Variants in ZFP2 observed in about 807,000 individuals in gnomAD.
ZFP2 encodes the protein zinc finger protein ZFP2.
ZFP2 carries 33 observed loss-of-function variants against 36.1 expected under a neutral mutation model. The observed-to-expected ratio is 0.92, with a 90% CI of 0.69 to 1.22. The LOEUF is 1.22. Ranked by LOEUF, ZFP2 falls within the 50% of genes most tolerant of loss-of-function variation. ZFP2 has a pLI of 0.00. For synonymous variants in ZFP2, 170 were observed against 178.0 expected (o/e 0.96, Z 0.36); for missense variants, 522 against 551.4 (o/e 0.95, Z 0.53).
chr5:178,905,710 A>G (rs1758152574), intron 1 of ZFP2, among the ~76,000 whole-genome samples: 1 of 152,142 alleles, frequency 6.6e-6, no homozygotes, highest in Admixed American at 6.6e-5. Context: ...ATTGATGACA[A>G]ATGTATATTA....
At chr5:178,931,118 A>T in intron 4 of ZFP2, 119 bp from the exon 5 acceptor site, 1 of 1,160,728 alleles carries the variant, frequency 8.6e-7, no homozygotes, top group Non-Finnish European at 1.1e-6. Flanking sequence ...AAAGCTCTCA[A>T]ATGTGCTCAG....
At chr5:178,920,572 G>A (rs1403501085) in intron 4 of ZFP2, among the ~76,000 whole-genome samples, 1 of 152,142 alleles carries the variant, frequency 6.6e-6, no homozygotes, top group Non-Finnish European at 1.5e-5. Flanking sequence ...GGGAGGTAGA[G>A]GTTGCAGTGA....
chr5:178,920,125 C>T (rs539441485), intron 4 of ZFP2, among the ~76,000 whole-genome samples: 1 of 152,164 alleles, frequency 6.6e-6, no homozygotes. Context: ...TCTGGGACTC[C>T]AGTGAGACAT....
intron 4 of ZFP2, 81 bp from the exon 5 acceptor site, chr5:178,931,156 A>C: frequency 7.3e-7 from 1 of 1,379,076 alleles, no homozygotes; most frequent in Non-Finnish European, 9.4e-7. Context: ...AGCTAGTTTA[A>C]TTCTCTCATT....
At chr5:178,901,365 C>G (rs1033433814) in intron 1 of ZFP2, among the ~76,000 whole-genome samples, 2 of 152,142 alleles carry the variant, frequency 1.3e-5, no homozygotes, top group African/African-American at 4.8e-5. Context: ...TTGAGTGGCT[C>G]GAAACAATAG....
chr5:178,930,908 C>T (rs950940615), intron 4 of ZFP2, among the ~76,000 whole-genome samples: 7 of 152,134 alleles, frequency 4.6e-5, no homozygotes, highest in Non-Finnish European at 1.0e-4. Flanking sequence ...CATGTGTTTC[C>T]TTAGTTCCAT....
chr5:178,921,311 CT>C (rs754780057), intron 4 of ZFP2, among the ~76,000 whole-genome samples: 1 of 152,160 alleles, frequency 6.6e-6, no homozygotes, highest in Non-Finnish European at 1.5e-5. Flanking sequence ...ACTCTTCTGG[CT>C]ACAAGGCAGG....
At chr5:178,910,139 T>A in intron 1 of ZFP2, 1 of 1,452,446 alleles carries the variant, frequency 6.9e-7, no homozygotes. Flanking sequence ...GTGCACAGAT[T>A]CTGTCACTGC....
At chr5:178,902,288 C>T (rs1257208217) in intron 1 of ZFP2, among the ~76,000 whole-genome samples, 2 of 152,088 alleles carry the variant, frequency 1.3e-5, no homozygotes, top group African/African-American at 4.8e-5. Context: ...TCTAAGTGTC[C>T]GTGTGTGCTT....
intron 1 of ZFP2, among the ~76,000 whole-genome samples, chr5:178,900,985 T>C (rs552261442): frequency 5.2e-5 from 8 of 152,390 alleles, no homozygotes; most frequent in Middle Eastern, 3.4e-3. Flanking sequence ...TTCAGGTCTT[T>C]ACATGATATT....
chr5:178,910,752 C>T (rs116635040), intron 1 of ZFP2: 414 of 219,450 alleles, frequency 1.9e-3, no homozygotes, highest in African/African-American at 8.8e-3. Flanking sequence ...TTTCTGGAAA[C>T]GATGGCAGCA....
chr5:178,912,493 T>G, intron 1 of ZFP2, 91 bp from the exon 2 acceptor site: 1 of 195,788 alleles, frequency 5.1e-6, no homozygotes, highest in Middle Eastern at 2.5e-3. Context: ...GCATGTTTTC[T>G]CAGGCAGATC....
intron 1 of ZFP2, among the ~76,000 whole-genome samples, chr5:178,906,345 A>C (rs1758164726): frequency 6.6e-6 from 1 of 152,106 alleles, no homozygotes; most frequent in Admixed American, 6.6e-5. Context: ...ACCTTCTTTC[A>C]CCAAAAAGAG....
chr5:178,931,223 T>G lies in ZFP2; in HGVS notation c.-77-14T>G. ...CAGAAACCAATGTGCATTTGAATTT[T>G]TTTTTTTTTTCAGACTGGGAGACAA... On this transcript the variant is annotated splice_polypyrimidine_tract_variant and intron_variant, in intron 4 of 4. Transcript: ENST00000361362. The G allele has an allele frequency of 6.7e-7, 1 of 1,493,882 alleles. No individual in the cohort carries two copies. Among genetic ancestry groups the G allele is most frequent in the South Asian group, 1.4e-5 (1 of 70,904 alleles). The allele number at this position is 1,493,882 out of a possible 1,614,324, so 92.5% of individuals were successfully genotyped here. A position where few individuals can be genotyped will look rare whatever the true frequency, so the allele number is the denominator to read the frequency against.
intron 1 of ZFP2, among the ~76,000 whole-genome samples, chr5:178,907,639 T>TAAATAAAC (rs1347120250): frequency 6.6e-6 from 1 of 151,172 alleles, no homozygotes; most frequent in Admixed American, 6.6e-5. Flanking sequence ...AATAAATAAA[T>TAAATAAAC]AACAATTCAA....
chr5:178,918,972 T>C (rs972626726), intron 4 of ZFP2, among the ~76,000 whole-genome samples: 1 of 152,176 alleles, frequency 6.6e-6, no homozygotes, highest in Admixed American at 6.5e-5. Context: ...TAACCGTTTT[T>C]CATTTTGTAG....
At chr5:178,920,652 A>T (rs1391225283) in intron 4 of ZFP2, among the ~76,000 whole-genome samples, 2 of 151,946 alleles carry the variant, frequency 1.3e-5, no homozygotes, top group African/African-American at 4.8e-5. Context: ...AAAAAAAAAA[A>T]TTGTATATTT....
chr5:178,903,805 T>G (rs1406570004), intron 1 of ZFP2, among the ~76,000 whole-genome samples: 1 of 152,052 alleles, frequency 6.6e-6, no homozygotes, highest in African/African-American at 2.4e-5. Context: ...CCGTCTCTAC[T>G]AAAAATACAA....
rs1242208932 is a variant in ZFP2 at position 178,932,722 on chromosome 5, C to T, written c.*23C>T. On this transcript the variant is annotated 3_prime_UTR_variant, in exon 5 of 5. Transcript: ENST00000361362. ...TGAGGAATGTTTTCACTGGCCCTTA[C>T]CTCATGATTAACTCTTCAGTAATAA... 4 of 1,551,078 alleles carry T rather than the reference C, an allele frequency of 2.6e-6. No individual in the cohort carries two copies. Among genetic ancestry groups the T allele is most frequent in the Non-Finnish European group, 3.5e-6 (4 of 1,152,068 alleles).
Sources: allele counts gnomAD v4.1 joint callset (sites outside exome capture counted in the v4.1 genomes callset), GRCh38; gene constraint gnomAD v4.1.1; transcripts MANE v1.5; gene names NCBI Gene and HGNC (gene_info 2026-07-23, HGNC 2026-07-21).